Variants in RSF1 observed in about 807,000 individuals in gnomAD.
The protein encoded by RSF1 is remodeling and spacing factor 1, also known as HBV pX-associated protein 8.
In RSF1, 13 loss-of-function variants were observed where a neutral mutation model predicts 145.2. The ratio of observed to expected loss-of-function variants is 0.09; its 90% CI spans 0.06 to 0.14. RSF1 has a LOEUF of 0.14. Among genes scored for constraint, RSF1 ranks in the 10% least tolerant of loss-of-function variants. The pLI, the probability that RSF1 is intolerant of heterozygous loss-of-function variation, is 1.00. For missense variants in RSF1, 1,517 were observed against 1,718.2 expected (o/e 0.88, Z 2.07); for synonymous variants, 577 against 592.6 (o/e 0.97, Z 0.38).
the RSF1 span, among the ~76,000 whole-genome samples, chr11:77,865,885 C>T: frequency 6.6e-6 from 1 of 152,132 alleles, no homozygotes; most frequent in East Asian, 1.9e-4. Context: ...CAATAGACTG[C>T]CAGAGGGGCC....
chr11:77,686,527 A>G (rs1273683622), intron 9 of RSF1, among the ~76,000 whole-genome samples: 1 of 151,764 alleles, frequency 6.6e-6, no homozygotes, highest in African/African-American at 2.4e-5. Context: ...CTGAAATAGT[A>G]ATCATTCTGT....
At chr11:77,755,393 G>A (rs1948105661) in intron 2 of RSF1, among the ~76,000 whole-genome samples, 1 of 152,132 alleles carries the variant, frequency 6.6e-6, no homozygotes, top group Admixed American at 6.5e-5. Context: ...TCCTTGGCTT[G>A]AACAAACAGG....
At chr11:77,668,666 C>T (rs569074433) in intron 15 of RSF1, among the ~76,000 whole-genome samples, 1 of 152,270 alleles carries the variant, frequency 6.6e-6, no homozygotes, top group East Asian at 1.9e-4. Context: ...TACAGTATAA[C>T]AATTATATAA....
At chr11:77,748,925 A>G (rs1289040491) in intron 2 of RSF1, among the ~76,000 whole-genome samples, 1 of 152,264 alleles carries the variant, frequency 6.6e-6, no homozygotes, top group African/African-American at 2.4e-5. Context: ...ATGTCCACTA[A>G]CAGGTGAATG....
chr11:77,750,758 G>C (rs1248989407), intron 2 of RSF1, among the ~76,000 whole-genome samples: 2 of 152,204 alleles, frequency 1.3e-5, no homozygotes, highest in Non-Finnish European at 2.9e-5. Context: ...TTGAGGGAGA[G>C]AATGTTCTAA....
At chr11:77,713,283 A>G (rs1960729051) in intron 5 of RSF1, among the ~76,000 whole-genome samples, 1 of 152,190 alleles carries the variant, frequency 6.6e-6, no homozygotes, top group South Asian at 2.1e-4. Flanking sequence ...GTAACAGCTT[A>G]TCTGCAGTCT....
At chr11:77,869,145 C>T in the RSF1 span, 1 of 251,572 alleles carries the variant, frequency 4.0e-6, no homozygotes, top group Non-Finnish European at 7.8e-6. Flanking sequence ...TTCTAAAAGG[C>T]CTAGAGGACA....
intron 1 of RSF1, among the ~76,000 whole-genome samples, chr11:77,812,995 G>A (rs907130259): frequency 2.6e-5 from 4 of 151,584 alleles, no homozygotes; most frequent in African/African-American, 9.7e-5. Context: ...AACATTCTAA[G>A]CATAACTTTT....
chr11:77,697,436 TTA>T (rs543261730), intron 7 of RSF1, among the ~76,000 whole-genome samples: 30 of 140,188 alleles, frequency 2.1e-4, no homozygotes, highest in Middle Eastern at 3.6e-3. Context: ...GAACTGCAAA[TTA>T]TATATATATA....
chr11:77,751,417 C>G (rs1436593445), intron 2 of RSF1, among the ~76,000 whole-genome samples: 2 of 152,112 alleles, frequency 1.3e-5, no homozygotes, highest in Non-Finnish European at 2.9e-5. Flanking sequence ...CAGCCAACAT[C>G]TGAAGACAGG....
At chr11:77,730,928 A>G (rs67195676) in intron 4 of RSF1, among the ~76,000 whole-genome samples, 27,197 of 152,122 alleles carry the variant, frequency 0.18, 3,055 homozygotes, top group African/African-American at 0.3. Flanking sequence ...CTTTATCAGC[A>G]GCATGAAAAC....
the RSF1 span, chr11:77,870,023 A>C: frequency 2.5e-6 from 1 of 397,822 alleles, no homozygotes; most frequent in Non-Finnish European, 4.5e-6. Flanking sequence ...GTGTCATTTC[A>C]ACTATTTCTC....
chr11:77,835,812 A>G, the RSF1 span, among the ~76,000 whole-genome samples: 1 of 152,074 alleles, frequency 6.6e-6, no homozygotes, highest in Non-Finnish European at 1.5e-5. Context: ...TCCCAGCTAC[A>G]AGGGTGGCTG....
intron 7 of RSF1, among the ~76,000 whole-genome samples, chr11:77,696,957 A>G (rs905323342): frequency 7.9e-5 from 12 of 152,222 alleles, no homozygotes; most frequent in Admixed American, 5.9e-4. Context: ...ACAGTAAGAA[A>G]GAAAAGAGTA....
At chr11:77,820,434 G>A (rs1031565467) in intron 1 of RSF1, 94 bp downstream of exon 1, 7 of 1,304,078 alleles carry the variant, frequency 5.4e-6, no homozygotes, top group South Asian at 2.9e-5. Context: ...AGCCGCGGAG[G>A]CCCGAGCCGC....
At chr11:77,794,676 A>G (rs1240292250) in intron 1 of RSF1, among the ~76,000 whole-genome samples, 1 of 152,168 alleles carries the variant, frequency 6.6e-6, no homozygotes, top group Non-Finnish European at 1.5e-5. Context: ...CTCTCAACAA[A>G]CTAGGCATAG....
chr11:77,746,982 G>T, intron 3 of RSF1, 54 bp downstream of exon 3: 2 of 1,162,982 alleles, frequency 1.7e-6, no homozygotes, highest in Non-Finnish European at 2.5e-6. Context: ...TTAACCAGGA[G>T]TCAAAAGTTA....
At chr11:77,860,944 G>A in the RSF1 span, among the ~76,000 whole-genome samples, 139 of 152,214 alleles carry the variant, frequency 9.1e-4, 2 homozygotes, top group African/African-American at 3.3e-3. Context: ...CCCTAAAATT[G>A]GAGTATTGCA....
intron 2 of RSF1, 96 bp from the exon 3 acceptor site, chr11:77,747,224 T>C: frequency 1.4e-6 from 1 of 737,596 alleles, no homozygotes; most frequent in South Asian, 1.6e-5. Flanking sequence ...TACATGTTTA[T>C]AAAGGAAAGA....
Sources: gnomAD v4.1 joint callset for allele counts (sites outside exome capture counted in the v4.1 genomes callset) on GRCh38, gnomAD v4.1.1 for gene constraint, MANE v1.5 for transcripts, NCBI Gene and HGNC (gene_info 2026-07-23, HGNC 2026-07-21) for gene names.